Variants in MICAL3 observed in about 807,000 individuals in gnomAD.
MICAL3 encodes microtubule associated monooxygenase, calponin and LIM domain containing 3.
MICAL3 carries 62 observed loss-of-function variants against 207.4 expected under a neutral mutation model. That is an observed-to-expected ratio of 0.30 (90% CI 0.24 to 0.37). The LOEUF (loss-of-function observed/expected upper bound fraction) is 0.37, where lower values mean the gene tolerates loss of function less well. Ranked by LOEUF, MICAL3 falls within the 10% of genes least tolerant of loss-of-function variation. MICAL3 has a pLI of 1.00. For missense variants in MICAL3, 2,368 were observed against 2,635.6 expected (o/e 0.90, Z 2.22); for synonymous variants, 1,077 against 1,069.3 (o/e 1.01, Z -0.14).
chr22:17,804,405 CA>C (rs567413389), intron 29 of MICAL3, among the ~76,000 whole-genome samples: 4 of 152,376 alleles, frequency 2.6e-5, no homozygotes, highest in African/African-American at 9.6e-5. Flanking sequence ...CTTGCAGACC[CA>C]CTTTTGCCGA....
intron 1 of MICAL3, among the ~76,000 whole-genome samples, chr22:17,972,479 G>T (rs1435522977): frequency 2.0e-5 from 3 of 152,174 alleles, no homozygotes; most frequent in African/African-American, 4.8e-5. Context: ...CGGGAGTAGG[G>T]ACAGCAAGGC....
intron 1 of MICAL3, among the ~76,000 whole-genome samples, chr22:17,930,984 G>A (rs2197300): frequency 0.34 from 51,560 of 151,958 alleles, 9,846 homozygotes; most frequent in African/African-American, 0.52. Flanking sequence ...GCCTCCCAAC[G>A]CCCCCTCCTC....
rs748371221 is a variant in MICAL3 at position 17,817,920 on chromosome 22, C to T, written c.4741G>A (p.Gly1581Arg). ...LEGTLQPQKR[G>R]LPLVSAEAKE... The stretch of plus-strand genomic sequence containing the variant: ...GCTTCCGCGGACACCAAGGGCAGCC[C>T]CCTCTTCTGTGGCTGCAGCGTCCCC... The change falls in exon 26 of 32, where the codon GGG becomes AGG. Residue 1581 changes from glycine to arginine, a missense_variant. Transcript: ENST00000441493. 28 of 1,612,458 alleles carry T rather than the reference C, an allele frequency of 1.7e-5. No homozygotes were observed. In the South Asian group the frequency reaches 2.6e-4, roughly 15 times the overall value.
intron 16 of MICAL3, among the ~76,000 whole-genome samples, chr22:17,877,156 AGGTT>A (rs1928688443): frequency 7.2e-6 from 1 of 138,794 alleles, no homozygotes; most frequent in Non-Finnish European, 1.5e-5. Flanking sequence ...GAGGTTAGGG[AGGTT>A]ATGGAGGTTA....
At chr22:17,855,966 C>T (rs1403949813) in intron 19 of MICAL3, among the ~76,000 whole-genome samples, 2 of 152,254 alleles carry the variant, frequency 1.3e-5, no homozygotes, top group Admixed American at 6.5e-5. Context: ...TTATTGGTTA[C>T]GTGGCCTTGG....
At chr22:17,844,335 A>G (rs1924411179) in intron 19 of MICAL3, among the ~76,000 whole-genome samples, 1 of 152,206 alleles carries the variant, frequency 6.6e-6, no homozygotes, top group Non-Finnish European at 1.5e-5. Flanking sequence ...CCATCAGGCA[A>G]AACCTGGCTA....
intron 1 of MICAL3, among the ~76,000 whole-genome samples, chr22:17,952,835 C>T (rs1934414611): frequency 6.6e-6 from 1 of 152,226 alleles, no homozygotes; most frequent in Admixed American, 6.5e-5. Flanking sequence ...CAGCTCTGTC[C>T]ATGTGGCTCT....
At chr22:18,022,566 CT>C (rs762674672) in intron 1 of MICAL3, among the ~76,000 whole-genome samples, 3 of 152,046 alleles carry the variant, frequency 2.0e-5, no homozygotes, top group Non-Finnish European at 4.4e-5. Context: ...GTAGCTGGGA[CT>C]ACAGGCATGC....
chr22:18,024,269 G>A lies in MICAL3; in HGVS notation c.-75+12C>T, dbSNP rs1156280281. On this transcript the variant is annotated intron_variant, in intron 1 of 31. Transcript: ENST00000441493. ...GATTCGCTCGCCCACAGGGGGACTGGAGGGTACTCACCGACTAGGGCTTCA... is the reference window on the plus strand; with the variant it reads ...GATTCGCTCGCCCACAGGGGGACTGAAGGGTACTCACCGACTAGGGCTTCA... 3.3e-5 allele frequency: 5 copies of A among 152,272 alleles called. No individual in the cohort carries two copies. Among genetic ancestry groups the A allele is most frequent in the Admixed American group, 1.3e-4 (2 of 15,288 alleles). The allele number at this position is 152,272 out of a possible 1,614,324, so 9.4% of individuals were successfully genotyped here.
At chr22:17,807,969 T>G (rs2062004906) in intron 29 of MICAL3, among the ~76,000 whole-genome samples, 1 of 152,192 alleles carries the variant, frequency 6.6e-6, no homozygotes, top group South Asian at 2.1e-4. Flanking sequence ...AGTTCCCCCA[T>G]CCAGAGACTA....
chr22:17,822,881 T>C, intron 23 of MICAL3, 66 bp downstream of exon 23: 1 of 1,070,018 alleles, frequency 9.3e-7, no homozygotes, highest in Middle Eastern at 2.1e-4. Flanking sequence ...TTGATTTTGC[T>C]GGAAAGCATA....
chr22:17,832,579 G>A (rs996305487), intron 20 of MICAL3, among the ~76,000 whole-genome samples: 11 of 152,178 alleles, frequency 7.2e-5, no homozygotes, highest in South Asian at 2.1e-4. Context: ...AGACGGCCTC[G>A]AGGGCACAAG....
rs1010966536 is a variant in MICAL3, at chr22:17,818,532, G to C, written c.4129C>G (p.Leu1377Val). Residue 1377 changes from leucine (L) to valine (V), a missense_variant, in exon 26 of 32, where the codon CTC becomes GTC. Physicochemically the swap from Leu to Val is conservative, Grantham distance 32. Transcript: ENST00000441493. ...SVEKSPQDEG[L>V]HLLKPLSIPK... Reference sequence around the variant, plus strand: ...ATGGACAGAGGCTTGAGAAGGTGGAGTCCCTCATCCTGGGGGGACTTTTCA... The same window carrying C: ...ATGGACAGAGGCTTGAGAAGGTGGACTCCCTCATCCTGGGGGGACTTTTCA... 1.2e-6 allele frequency: 2 copies of C among 1,613,458 alleles called. No individual in the cohort carries two copies. The highest frequency in any genetic ancestry group is 1.7e-6 in the Non-Finnish European group (2 of 1,179,876).
At chr22:17,810,846 G>T in intron 27 of MICAL3, 33 bp from the exon 28 acceptor site, 1 of 1,561,330 alleles carries the variant, frequency 6.4e-7, no homozygotes, top group Non-Finnish European at 8.8e-7. Flanking sequence ...CCTCAGTCAG[G>T]TGCACGGAGG....
At chr22:17,880,621 C>T (rs9604798) in intron 16 of MICAL3, among the ~76,000 whole-genome samples, 68,313 of 152,096 alleles carry the variant, frequency 0.45, 16,326 homozygotes, top group African/African-American at 0.62. Flanking sequence ...ACAAACATGC[C>T]GCAGACACAC....
At chr22:18,013,926 C>A (rs1335003754) in intron 1 of MICAL3, among the ~76,000 whole-genome samples, 2 of 151,796 alleles carry the variant, frequency 1.3e-5, no homozygotes, top group African/African-American at 4.8e-5. Flanking sequence ...TCAGCCTCCC[C>A]AGTAGCTGGA....
At chr22:17,888,234 T>C (rs1043602944) in intron 13 of MICAL3, among the ~76,000 whole-genome samples, 4 of 152,138 alleles carry the variant, frequency 2.6e-5, no homozygotes, top group Non-Finnish European at 4.4e-5. Context: ...GAAAATTGAG[T>C]AACTTGCCTA....
At chr22:17,820,912 A>ATAAATATAAATTTTAATAAATTTATG (rs1569079892) in intron 25 of MICAL3, among the ~76,000 whole-genome samples, 1 of 83,118 alleles carries the variant, frequency 1.2e-5, no homozygotes, top group Admixed American at 1.1e-4. Flanking sequence ...ATAAATTTAT[A>ATAAATATAAATTTTAATAAATTTATG]TTTATAAACA....
chr22:17,852,263 AG>A (rs1278332229), intron 19 of MICAL3, among the ~76,000 whole-genome samples: 2 of 152,224 alleles, frequency 1.3e-5, no homozygotes, highest in African/African-American at 4.8e-5. Context: ...AAGAAACTAA[AG>A]TTGCCTGCCG....
Sources: allele counts gnomAD v4.1 joint callset (sites outside exome capture counted in the v4.1 genomes callset), GRCh38; gene constraint gnomAD v4.1.1; transcripts MANE v1.5; gene names NCBI Gene and HGNC (gene_info 2026-07-23, HGNC 2026-07-21).